The following NUMBL variants were observed in gnomAD, a reference collection of about 807,000 sequenced individuals.
NUMBL encodes NUMB like endocytic adaptor protein.
Under a neutral mutation model 48.9 loss-of-function variants are expected in NUMBL, and 20 were observed. That is an observed-to-expected ratio of 0.41 (90% confidence interval 0.29 to 0.59). NUMBL has a LOEUF of 0.59. Among genes scored for constraint, NUMBL ranks in the 20% least tolerant of loss-of-function variants. The pLI is 0.31. For missense variants in NUMBL, 660 were observed against 846.2 expected (o/e 0.78, Z 2.73); for synonymous variants, 340 against 348.7 (o/e 0.98, Z 0.28).
Position 40,667,088 on chromosome 19 carries a change from G to A in NUMBL, c.*380C>T, listed in dbSNP as rs1210275690. On this transcript the variant is annotated 3_prime_UTR_variant, in exon 10 of 10. Transcript: ENST00000252891. The surrounding 1 kb of genome is among the most constrained non-coding windows in gnomAD (Gnocchi z 6.1). ...GTGTGGGGCCCAGGAGAGCCCCTAA[G>A]CAAGTGTCCCCCCTCCATCCTGTCC... 1 of 280,518 alleles carries A rather than the reference G, an allele frequency of 3.6e-6. No individual in the cohort carries two copies. The highest frequency in any genetic ancestry group is 6.9e-6 in the Non-Finnish European group (1 of 145,062). The allele number at this position is 280,518 out of a possible 1,614,324, so 17.4% of individuals were successfully genotyped here.
chr19:40,686,988 G>C lies in NUMBL; in HGVS notation c.32C>G (p.Pro11Arg). The C allele has an allele frequency of 6.6e-7, 1 of 1,510,470 alleles. No homozygotes were observed. The highest frequency in any genetic ancestry group is 8.8e-7 in the Non-Finnish European group (1 of 1,132,320). 93.6% of individuals were successfully genotyped at this position (1,510,470 alleles called of 1,614,324 possible). Residue 11 changes from proline (P) to arginine (R), a missense_variant, in exon 2 of 10, where the codon CCC becomes CGC. Physicochemically the swap from Pro to Arg is moderately radical, Grantham distance 103. This residue lies in a region of NUMBL where 86 missense variants were observed against 85.9 expected (regional missense o/e 1.00). Coordinates refer to ENST00000252891, the MANE Select transcript of NUMBL (RefSeq NM_004756.5). MSRSAAASGGPRRPERHLPPA... is the reference protein window; with the variant it reads MSRSAAASGGRRRPERHLPPA... ...GGGCAGGTGCCGCTCAGGCCTCCGG[G>C]GTCCGCCCTGCCCGAGTAGGGGAGG...
At chr19:40,668,841 C>T (rs2081830978) in intron 9 of NUMBL, among the ~76,000 whole-genome samples, 2 of 152,168 alleles carry the variant, frequency 1.3e-5, no homozygotes, top group African/African-American at 4.8e-5. Flanking sequence ...TCTAAGATTG[C>T]ATGGATCTTT....
chr19:40,668,269 G>T, intron 9 of NUMBL, 131 bp from the exon 10 acceptor site: 1 of 1,418,582 alleles, frequency 7.0e-7, no homozygotes, highest in Non-Finnish European at 9.3e-7. Flanking sequence ...CTGAATCCCA[G>T]CTCTGCACCT....
At chr19:40,679,035 G>A (rs2081892196) in intron 6 of NUMBL, among the ~76,000 whole-genome samples, 1 of 152,170 alleles carries the variant, frequency 6.6e-6, no homozygotes, top group South Asian at 2.1e-4. Flanking sequence ...AGGTTTCAGT[G>A]AGCCAAGATC....
Position 40,682,354 on chromosome 19 carries a change from A to G in NUMBL, c.399+374T>C, listed in dbSNP as rs8104739. Among the ~76,000 whole-genome samples, 18,969 of 151,998 alleles carry G rather than the reference A, an allele frequency of 0.12. 1,277 individuals carry two copies. The highest frequency in any genetic ancestry group is 0.18 in the Middle Eastern group (52 of 292). On this transcript the variant is annotated intron_variant, in intron 5 of 9. Transcript: ENST00000252891. The surrounding 1 kb of genome is among the most constrained non-coding windows in gnomAD (Gnocchi z 4.0). ...TTGCCAGGCTGGTCTCGAACTCCTG[A>G]CCTCAGGTAATCTACCCTCCTTGGC...
At chr19:40,675,781 G>T (rs564259418) in intron 7 of NUMBL, among the ~76,000 whole-genome samples, 1 of 151,844 alleles carries the variant, frequency 6.6e-6, no homozygotes, top group Non-Finnish European at 1.5e-5. Context: ...TCAAATAAAA[G>T]TATCATTAAA....
At chr19:40,690,127 C>A (rs1001315799) in intron 1 of NUMBL, 4 of 245,152 alleles carry the variant, frequency 1.6e-5, no homozygotes, top group Non-Finnish European at 3.1e-5. Flanking sequence ...TGGTTTGATA[C>A]GGGGGCTGTG....
At chr19:40,690,142 C>T (rs1034268632) in intron 1 of NUMBL, 8 of 274,896 alleles carry the variant, frequency 2.9e-5, no homozygotes, top group Non-Finnish European at 4.8e-5. Flanking sequence ...GCTGTGTCCC[C>T]GACCCCATCT....
rs1256042181 is a variant in NUMBL, at chr19:40,682,421, G to A, written c.399+307C>T. On this transcript the variant is annotated intron_variant, in intron 5 of 9. Coordinates refer to ENST00000252891, the MANE Select transcript of NUMBL (RefSeq NM_004756.5). The surrounding 1 kb of genome is among the most constrained non-coding windows in gnomAD (Gnocchi z 4.0). ...ATTACAGGCGTGAGCCACCACTCCC[G>A]GCCTATAATCTGCATTTTTCAGATG... Among the ~76,000 whole-genome samples, 2 of 152,084 alleles carry A rather than the reference G, an allele frequency of 1.3e-5. No individual in the cohort carries two copies. The highest frequency in any genetic ancestry group is 2.9e-5 in the Non-Finnish European group (2 of 68,032).
chr19:40,676,890 C>T (rs988783526), intron 7 of NUMBL, among the ~76,000 whole-genome samples: 6 of 152,014 alleles, frequency 3.9e-5, no homozygotes, highest in Admixed American at 2.6e-4. Flanking sequence ...TCTCGGCTCA[C>T]TGCAACCTCT....
chr19:40,690,367 T>C, intron 1 of NUMBL, 93 bp downstream of exon 1: 1 of 733,558 alleles, frequency 1.4e-6, no homozygotes, highest in Non-Finnish European at 1.9e-6. Flanking sequence ...TGGCACCCTC[T>C]CTCCATCCGG....
At chr19:40,670,524 T>C (rs1324371505) in intron 8 of NUMBL, among the ~76,000 whole-genome samples, 1 of 151,826 alleles carries the variant, frequency 6.6e-6, no homozygotes, top group African/African-American at 2.4e-5. Context: ...CAGGAGACAC[T>C]GAGCAGGCAT....
Position 40,673,362 on chromosome 19 carries a change from A to C in NUMBL, c.1018T>G (p.Phe340Val). 1 of 1,612,482 alleles carries C rather than the reference A, an allele frequency of 6.2e-7. No homozygotes were observed. Among genetic ancestry groups the C allele is most frequent in the Non-Finnish European group, 8.5e-7 (1 of 1,178,796 alleles). The change falls in exon 8 of 10, where the codon TTC becomes GTC. Residue 340 changes from phenylalanine to valine, a missense_variant. Coordinates refer to ENST00000252891, the MANE Select transcript of NUMBL (RefSeq NM_004756.5). This position sits in a 1 kb window ranked among gnomAD's most constrained non-coding sequence, Gnocchi z 5.9. ...LPSTLQRRTD[F>V]QVKGTVPEME... Reference sequence around the variant, plus strand: ...GGCTCACCTGTGCCCTTCACCTGGAAGTCAGTGCGGCGCTGCAGCGTGGAT... The same window carrying C: ...GGCTCACCTGTGCCCTTCACCTGGACGTCAGTGCGGCGCTGCAGCGTGGAT...
At position 40,667,520 on chromosome 19, in the gene NUMBL, G is replaced by A. The variant is rs2081816894; in HGVS notation, c.1778C>T (p.Pro593Leu). The A allele has an allele frequency of 6.3e-7, 1 of 1,587,404 alleles. No individual in the cohort carries two copies. The highest frequency in any genetic ancestry group is 1.3e-5 in the African/African-American group (1 of 74,614). ...CAGGTCGCCAGAAAAGGGGTTGGAGGGTTTCTCTACAGTGGCTTTGCCTTC... is the reference window on the plus strand; with the variant it reads ...CAGGTCGCCAGAAAAGGGGTTGGAGAGTTTCTCTACAGTGGCTTTGCCTTC... ...ALEGKATVEK[P>L]SNPFSGDLQK... is the part of the protein sequence containing the mutation. The change falls in exon 10 of 10, where the codon CCC becomes CTC. Residue 593 changes from proline (P) to leucine (L), a missense_variant. By Grantham distance (98) the Pro-to-Leu change is moderately conservative (BLOSUM62 -3). Coordinates refer to ENST00000252891, the MANE Select transcript of NUMBL (RefSeq NM_004756.5). This position sits in a 1 kb window ranked among gnomAD's most constrained non-coding sequence, Gnocchi z 6.1.
At position 40,682,396 on chromosome 19, in the gene NUMBL, ATT is replaced by A. The variant is rs1157654459; in HGVS notation, c.399+330_399+331del. Among the ~76,000 whole-genome samples the A allele has an allele frequency of 6.6e-6, 1 of 152,116 alleles. No homozygotes were observed. Among genetic ancestry groups the A allele is most frequent in the Non-Finnish European group, 1.5e-5 (1 of 68,034 alleles). ...CTCCTTGGCCTCCCAAAGTACTGGG[ATT>A]ACAGGCGTGAGCCACCACTCCCGGC... On this transcript the variant is annotated intron_variant, in intron 5 of 9. Coordinates refer to ENST00000252891, the MANE Select transcript of NUMBL (RefSeq NM_004756.5). The surrounding 1 kb of genome is among the most constrained non-coding windows in gnomAD (Gnocchi z 4.0).
Position 40,667,519 on chromosome 19 carries a change from G to A in NUMBL, c.1779C>T (p.Pro593=), listed in dbSNP as rs1025143782. 2.5e-6 allele frequency: 4 copies of A among 1,588,134 alleles called. No homozygotes were observed. The highest frequency in any genetic ancestry group is 2.7e-5 in the African/African-American group (2 of 74,624). Residue 593 remains proline, a synonymous_variant, in exon 10 of 10, where the codon CCC becomes CCT. Transcript: ENST00000252891. This position sits in a 1 kb window ranked among gnomAD's most constrained non-coding sequence, Gnocchi z 6.1. ...GCAGGTCGCCAGAAAAGGGGTTGGA[G>A]GGTTTCTCTACAGTGGCTTTGCCTT... ...ALEGKATVEK[P]SNPFSGDLQK... is the part of the protein sequence containing the mutation.
At chr19:40,680,827 T>C (rs940045572) in intron 6 of NUMBL, 90 bp downstream of exon 6, 7 of 1,383,500 alleles carry the variant, frequency 5.1e-6, no homozygotes, top group Non-Finnish European at 7.1e-6. Flanking sequence ...CAGAGGTTAG[T>C]GATGTGCCTG....
chr19:40,673,679 A>C lies in NUMBL; in HGVS notation c.731-30T>G. On this transcript the variant is annotated intron_variant, in intron 7 of 9. Transcript: ENST00000252891. The surrounding 1 kb of genome is among the most constrained non-coding windows in gnomAD (Gnocchi z 5.9). ...AGACATGGGGGAGATGGATGGTTAG[A>C]TATCTCACCATGGCATGCAAGGCCT... 1 of 1,449,994 alleles carries C rather than the reference A, an allele frequency of 6.9e-7. No homozygotes were observed. Among genetic ancestry groups the C allele is most frequent in the Non-Finnish European group, 9.1e-7 (1 of 1,099,246 alleles). 89.8% of individuals were successfully genotyped at this position (1,449,994 alleles called of 1,614,324 possible).
In NUMBL at chr19:40,667,464, C is replaced by T. The variant is rs372485510; in HGVS notation, c.*4G>A. 2.0e-5 allele frequency: 32 copies of T among 1,602,196 alleles called. No individual in the cohort carries two copies. The highest frequency in any genetic ancestry group is 1.3e-4 in the East Asian group (6 of 44,562). ...AGATGATGGAGTGGGTGGGGCGGCT[C>T]GGGCTACAGTTCAATCTCGAATGTC... On this transcript the variant is annotated 3_prime_UTR_variant, in exon 10 of 10. Transcript: ENST00000252891. The surrounding 1 kb of genome is among the most constrained non-coding windows in gnomAD (Gnocchi z 6.1).
Sources: gnomAD v4.1 joint callset for allele counts (sites outside exome capture counted in the v4.1 genomes callset) on GRCh38, gnomAD v4.1.1 for gene constraint, gnomAD v4.1.1 regional missense constraint, Gnocchi (gnomAD v3.1) non-coding constraint, MANE v1.5 for transcripts, NCBI Gene and HGNC (gene_info 2026-07-23, HGNC 2026-07-21) for gene names.